The following SLC8A1 variants were observed in gnomAD, a reference collection of about 807,000 sequenced individuals.
SLC8A1 encodes sodium/calcium exchanger 1.
In SLC8A1, 18 loss-of-function variants were observed where a neutral mutation model predicts 68.3. That is an observed-to-expected ratio of 0.26 (90% CI 0.18 to 0.39). SLC8A1 has a LOEUF of 0.39. Ranked by LOEUF, SLC8A1 falls within the 10% of genes least tolerant of loss-of-function variation. The pLI is 1.00. For synonymous variants in SLC8A1, 475 were observed against 415.5 expected, an observed-to-expected ratio of 1.14 and a Z score of -1.74; for missense variants, 985 against 1,156.7, an observed-to-expected ratio of 0.85 and a Z score of 2.15.
chr2:40,360,021 G>C (rs1392556366), intron 2 of SLC8A1, among the ~76,000 whole-genome samples: 1 of 151,734 alleles, frequency 6.6e-6, no homozygotes, highest in Non-Finnish European at 1.5e-5. Flanking sequence ...GAAAGAGAAT[G>C]TTTCTTTAGT....
intron 2 of SLC8A1, among the ~76,000 whole-genome samples, chr2:40,400,845 C>A (rs185829851): frequency 6.6e-6 from 1 of 152,260 alleles, no homozygotes; most frequent in Non-Finnish European, 1.5e-5. Flanking sequence ...ATAGGGAGCA[C>A]TGCCCAGAGA....
chr2:40,326,910 G>T (rs947254073), intron 2 of SLC8A1, among the ~76,000 whole-genome samples: 1 of 152,130 alleles, frequency 6.6e-6, no homozygotes, highest in Admixed American at 6.6e-5. Context: ...TTGATCCCAA[G>T]GTCAGGGCTC....
At chr2:40,249,921 C>T (rs929006413) in intron 2 of SLC8A1, among the ~76,000 whole-genome samples, 11 of 152,120 alleles carry the variant, frequency 7.2e-5, no homozygotes, top group Non-Finnish European at 1.5e-4. Context: ...AGTAGCAGTA[C>T]TTGTTTCAAA....
At chr2:40,165,099 C>T in intron 4 of SLC8A1, 115 bp from the exon 8 acceptor site, 1 of 1,318,258 alleles carries the variant, frequency 7.6e-7, no homozygotes, top group South Asian at 1.3e-5. Context: ...TACTAAAGCC[C>T]CCTGGGTGAG....
At chr2:40,428,640 A>C in exon 2 of SLC8A1, 1 of 1,613,856 alleles carries the variant, frequency 6.2e-7, no homozygotes, top group Non-Finnish European at 8.5e-7. Flanking sequence ...CACTCACATG[A>C]GTCACAGGTT....
At chr2:40,353,336 C>A (rs140984381) in intron 2 of SLC8A1, among the ~76,000 whole-genome samples, 11 of 152,274 alleles carry the variant, frequency 7.2e-5, no homozygotes, top group African/African-American at 2.6e-4. Context: ...ACAGCCCTCG[C>A]TGCTGGGGGC....
intron 2 of SLC8A1, among the ~76,000 whole-genome samples, chr2:40,238,291 G>C (rs529977162): frequency 1.3e-5 from 2 of 152,330 alleles, no homozygotes; most frequent in Non-Finnish European, 2.9e-5. Context: ...AGCCAGGTGC[G>C]GGATATAATC....
intron 2 of SLC8A1, among the ~76,000 whole-genome samples, chr2:40,253,083 A>T (rs923473602): frequency 1.4e-5 from 2 of 144,692 alleles, no homozygotes; most frequent in African/African-American, 5.1e-5. Flanking sequence ...TATGTGTATA[A>T]ATGTATATAG....
chr2:40,501,943 C>T (rs1304101917), intron 1 of SLC8A1, among the ~76,000 whole-genome samples: 1 of 152,030 alleles, frequency 6.6e-6, no homozygotes, highest in Non-Finnish European at 1.5e-5. Context: ...ACTCTGCACC[C>T]TCAATCAAGA....
At chr2:40,502,307 T>C (rs1019724570) in intron 1 of SLC8A1, among the ~76,000 whole-genome samples, 1 of 152,084 alleles carries the variant, frequency 6.6e-6, no homozygotes, top group African/African-American at 2.4e-5. Flanking sequence ...GACTTCCATC[T>C]TCCCTCTCAG....
intron 2 of SLC8A1, among the ~76,000 whole-genome samples, chr2:40,323,691 G>A (rs1222274182): frequency 6.6e-6 from 1 of 151,930 alleles, no homozygotes; most frequent in East Asian, 1.9e-4. Context: ...GTTCCTAAGG[G>A]GGGAAATACA....
chr2:40,259,948 C>T (rs1244408520), intron 2 of SLC8A1, among the ~76,000 whole-genome samples: 3 of 152,152 alleles, frequency 2.0e-5, no homozygotes, highest in African/African-American at 7.2e-5. Context: ...TATTTTTCAA[C>T]CATCTTTCTG....
At chr2:40,272,862 C>A (rs778159361) in intron 2 of SLC8A1, among the ~76,000 whole-genome samples, 10 of 152,360 alleles carry the variant, frequency 6.6e-5, no homozygotes, top group Admixed American at 2.0e-4. Flanking sequence ...GGAGCACTGA[C>A]ACATGGCCTG....
At chr2:40,443,673 C>T (rs1700920388) in intron 1 of SLC8A1, among the ~76,000 whole-genome samples, 1 of 152,168 alleles carries the variant, frequency 6.6e-6, no homozygotes, top group Non-Finnish European at 1.5e-5. Context: ...ATGGAAGGTT[C>T]ACTGGTCTAG....
At chr2:40,423,780 C>A (rs1696137970) in intron 2 of SLC8A1, among the ~76,000 whole-genome samples, 1 of 152,000 alleles carries the variant, frequency 6.6e-6, no homozygotes, top group East Asian at 1.9e-4. Flanking sequence ...AATTCAGACT[C>A]ATAAATGTTT....
At chr2:40,252,919 A>G (rs191598504) in intron 2 of SLC8A1, among the ~76,000 whole-genome samples, 13,430 of 127,080 alleles carry the variant, frequency 0.11, 568 homozygotes, top group African/African-American at 0.23. Context: ...ATGTGTATAT[A>G]TACATACATG....
At chr2:40,111,807 C>T (rs528326577) in exon 8 of SLC8A1, 1 of 152,198 alleles carries the variant, frequency 6.6e-6, no homozygotes, top group Admixed American at 6.5e-5. Flanking sequence ...AACTGTACTA[C>T]CATCAATTTT....
rs143466356 is a variant in SLC8A1 at position 40,478,884 on chromosome 2, G to T, written c.-25+33465C>A. 8.7e-3 allele frequency among the ~76,000 whole-genome samples: 1,315 copies of T among 151,844 alleles called. 20 individuals are homozygous for T. The highest frequency in any genetic ancestry group is 0.03 in the African/African-American group (1,236 of 41,394). On this transcript the variant is annotated intron_variant, in intron 1 of 7. Coordinates refer to the SLC8A1 transcript ENST00000402441. ...CCTCCTGGGTTCAAGCAATTCTCATGCCTCAGCCTCCCAAGTAGCTAGGAT... is the reference window on the plus strand; with the variant it reads ...CCTCCTGGGTTCAAGCAATTCTCATTCCTCAGCCTCCCAAGTAGCTAGGAT...
At chr2:40,342,781 C>T (rs982389839) in intron 2 of SLC8A1, among the ~76,000 whole-genome samples, 5 of 152,218 alleles carry the variant, frequency 3.3e-5, no homozygotes, top group Admixed American at 2.6e-4. Context: ...TCTCAGATGA[C>T]GGAGACCCAG....
Sources: allele counts gnomAD v4.1 joint callset (sites outside exome capture counted in the v4.1 genomes callset), GRCh38; gene constraint gnomAD v4.1.1; transcripts MANE v1.5; gene names NCBI Gene and HGNC (gene_info 2026-07-23, HGNC 2026-07-21).